Variants in ARHGEF37 observed in about 807,000 individuals in gnomAD.
The protein encoded by ARHGEF37 is Rho guanine nucleotide exchange factor (GEF) 37.
In ARHGEF37, 55 loss-of-function variants were observed where a neutral mutation model predicts 71.1. That is an observed-to-expected ratio of 0.77 (90% CI 0.62 to 0.97). The LOEUF is 0.97. Among genes scored for constraint, ARHGEF37 ranks in the 50% least tolerant of loss-of-function variants. The pLI, the probability that ARHGEF37 is intolerant of heterozygous loss-of-function variation, is 0.00. For synonymous variants in ARHGEF37, 327 were observed against 350.6 expected (o/e 0.93, Z 0.75); for missense variants, 765 against 836.8 (o/e 0.91, Z 1.06).
At chr5:149,612,260 C>T (rs1363009223) in intron 4 of ARHGEF37, among the ~76,000 whole-genome samples, 7 of 152,132 alleles carry the variant, frequency 4.6e-5, no homozygotes, top group Admixed American at 1.3e-4. Context: ...CTCCGTCTCC[C>T]GGGTTCACGC....
chr5:149,581,099 G>A (rs1763095777), upstream of ARHGEF37, among the ~76,000 whole-genome samples: 1 of 152,160 alleles, frequency 6.6e-6, no homozygotes, highest in South Asian at 2.1e-4. Flanking sequence ...AGGGCTCCTC[G>A]GCAGCCAACA....
In ARHGEF37 at chr5:149,559,070, C is replaced by G. The variant is rs530622239; in HGVS notation, c.-12+6947C>G. On this transcript the variant is annotated intron_variant, in intron 1 of 2. Transcript: ENST00000505810. The stretch of plus-strand genomic sequence containing the variant: ...AGGCACAGTGGCTCACGCCTGTAAT[C>G]CCAGCACTTTGGGAGGCCGAGGTGG... Among the ~76,000 whole-genome samples, 14 of 152,260 alleles carry G rather than the reference C, an allele frequency of 9.2e-5. No homozygotes were observed. The South Asian group carries it at 2.9e-3, about 32-fold the overall frequency.
intron 1 of ARHGEF37, among the ~76,000 whole-genome samples, chr5:149,589,804 C>A (rs1033793277): frequency 4.6e-5 from 7 of 152,020 alleles, no homozygotes; most frequent in African/African-American, 1.7e-4. Flanking sequence ...CAGGTGTGAG[C>A]CACCATGCCC....
At position 149,618,918 on chromosome 5, in the gene ARHGEF37, C is replaced by T; in HGVS notation, c.790-20C>T. ...TGCCCCCATGTGGATATTCTCAACC[C>T]TCACACACATTACTTTCAGACAGAA... On this transcript the variant is annotated intron_variant, in intron 6 of 12. Coordinates refer to ENST00000333677, the MANE Select transcript of ARHGEF37 (RefSeq NM_001001669.3). 6.3e-7 allele frequency: 1 copy of T among 1,594,718 alleles called. No homozygotes were observed. The highest frequency in any genetic ancestry group is 8.6e-7 in the Non-Finnish European group (1 of 1,162,390).
At chr5:149,625,343 CTG>C (rs1207694247) in intron 10 of ARHGEF37, among the ~76,000 whole-genome samples, 1 of 152,244 alleles carries the variant, frequency 6.6e-6, no homozygotes, top group South Asian at 2.1e-4. Flanking sequence ...TCTCCTCAGA[CTG>C]TGGCAAGACC....
At chr5:149,631,679 G>C (rs1333982071) in intron 12 of ARHGEF37, among the ~76,000 whole-genome samples, 2 of 150,400 alleles carry the variant, frequency 1.3e-5, no homozygotes, top group Non-Finnish European at 3.0e-5. Context: ...TTTTGAGTAA[G>C]TTCCTTGACT....
chr5:149,620,780 G>A (rs4382154), intron 8 of ARHGEF37, among the ~76,000 whole-genome samples: 6,969 of 148,222 alleles, frequency 0.047, 227 homozygotes, highest in East Asian at 0.18. Context: ...GCAGTGAGCC[G>A]AGATCATGCC....
intron 6 of ARHGEF37, 126 bp from the exon 7 acceptor site, chr5:149,618,812 G>T: frequency 1.3e-6 from 1 of 752,702 alleles, no homozygotes; most frequent in Non-Finnish European, 2.4e-6. Flanking sequence ...CAGCTTTGGG[G>T]TTGCGAGAAC....
chr5:149,571,467 T>C (rs1263766774), intron 1 of ARHGEF37, among the ~76,000 whole-genome samples: 1 of 152,084 alleles, frequency 6.6e-6, no homozygotes, highest in Admixed American at 6.6e-5. Flanking sequence ...TATAAAACTT[T>C]GCTGAGAGAA....
At chr5:149,600,968 C>T in intron 2 of ARHGEF37, 140 bp from the exon 3 acceptor site, 1 of 1,025,632 alleles carries the variant, frequency 9.8e-7, no homozygotes, top group South Asian at 1.9e-5. Context: ...GTTTCAAAAT[C>T]CTTGCAAAAT....
At chr5:149,620,258 C>A in intron 7 of ARHGEF37, 96 bp from the exon 8 acceptor site, 1 of 799,930 alleles carries the variant, frequency 1.3e-6, no homozygotes, top group Non-Finnish European at 2.0e-6. Flanking sequence ...GTGTAGAGAG[C>A]CTGGAAAACC....
intron 1 of ARHGEF37, among the ~76,000 whole-genome samples, chr5:149,573,647 G>A (rs907123825): frequency 1.3e-4 from 20 of 152,008 alleles, no homozygotes; most frequent in African/African-American, 4.1e-4. Flanking sequence ...TAGAACATTA[G>A]CTCAATGAGA....
intron 1 of ARHGEF37, among the ~76,000 whole-genome samples, chr5:149,573,875 T>C (rs985581309): frequency 1.3e-5 from 2 of 152,204 alleles, no homozygotes; most frequent in South Asian, 2.1e-4. Context: ...ACCTTGTTCT[T>C]ATTGGCTGCA....
At chr5:149,574,155 G>A (rs142384852) in intron 1 of ARHGEF37, among the ~76,000 whole-genome samples, 7 of 152,334 alleles carry the variant, frequency 4.6e-5, no homozygotes, top group Admixed American at 4.6e-4. Flanking sequence ...AAGACCTTGA[G>A]ACTGTATTCC....
At chr5:149,595,876 AC>A (rs1391566722) in intron 1 of ARHGEF37, among the ~76,000 whole-genome samples, 1 of 151,228 alleles carries the variant, frequency 6.6e-6, no homozygotes. Flanking sequence ...TATGAAGGAG[AC>A]CTTTTTTCCT....
Position 149,627,337 on chromosome 5 carries a change from A to G in ARHGEF37, c.1660+66A>G, listed in dbSNP as rs1752723595. 7.2e-6 allele frequency: 11 copies of G among 1,535,314 alleles called. No individual in the cohort carries two copies. In the Admixed American group the frequency reaches 2.0e-4, roughly 27 times the overall value. On this transcript the variant is annotated intron_variant, in intron 11 of 12. Coordinates refer to ENST00000333677, the MANE Select transcript of ARHGEF37 (RefSeq NM_001001669.3). ...AACCACCCCACAGAAGCCGGTGCAGAGACCCGGGCACTCTTGTGGGTCAAA... is the reference window on the plus strand; with the variant it reads ...AACCACCCCACAGAAGCCGGTGCAGGGACCCGGGCACTCTTGTGGGTCAAA...
In ARHGEF37 at chr5:149,608,607, G is replaced by A. The variant is rs377197180; in HGVS notation, c.311-941G>A. On this transcript the variant is annotated intron_variant, in intron 3 of 12. Coordinates refer to ENST00000333677, the MANE Select transcript of ARHGEF37 (RefSeq NM_001001669.3). ...AGGCTGGTCTGGAACTCCTGACCTCGTGATCCACCCGTCTTGGCCTGCAAA... is the reference window on the plus strand; with the variant it reads ...AGGCTGGTCTGGAACTCCTGACCTCATGATCCACCCGTCTTGGCCTGCAAA... Among the ~76,000 whole-genome samples the A allele has an allele frequency of 1.1e-4, 16 of 151,942 alleles. No individual in the cohort carries two copies. In the East Asian group the frequency reaches 2.2e-3, roughly 20 times the overall value.
chr5:149,628,992 T>C, intron 12 of ARHGEF37, 26 bp downstream of exon 12: 1 of 1,600,990 alleles, frequency 6.2e-7, no homozygotes, highest in Non-Finnish European at 8.5e-7. Flanking sequence ...GGCTGGGGGC[T>C]TGCCTCCCAT....
intron 1 of ARHGEF37, among the ~76,000 whole-genome samples, chr5:149,575,774 C>T (rs557563045): frequency 4.0e-5 from 6 of 150,962 alleles, no homozygotes; most frequent in East Asian, 3.9e-4. Flanking sequence ...CTCTGCCTCC[C>T]GGGTTCAAGC....
Sources: allele counts gnomAD v4.1 joint callset (sites outside exome capture counted in the v4.1 genomes callset), GRCh38; gene constraint gnomAD v4.1.1; transcripts MANE v1.5; gene names NCBI Gene and HGNC (gene_info 2026-07-23, HGNC 2026-07-21).